Variants in CNTN5 observed in about 807,000 individuals in gnomAD.
The protein encoded by CNTN5 is contactin 5.
A neutral mutation model predicts 129.1 loss-of-function variants in CNTN5; 77 were observed. That is an observed-to-expected ratio of 0.60 (90% confidence interval 0.50 to 0.72). The LOEUF is 0.72. Ranked by LOEUF, CNTN5 falls within the 30% of genes least tolerant of loss-of-function variation. The pLI, the probability that CNTN5 is intolerant of heterozygous loss-of-function variation, is 0.00. For missense variants in CNTN5, 1,478 were observed against 1,328.8 expected (o/e 1.11, Z -1.75); for synonymous variants, 509 against 465.6 (o/e 1.09, Z -1.20).
intron 2 of CNTN5, among the ~76,000 whole-genome samples, chr11:99,360,174 T>G (rs972015393): frequency 6.6e-6 from 1 of 152,192 alleles, no homozygotes; most frequent in Non-Finnish European, 1.5e-5. Context: ...GGGGCAAGAG[T>G]TGGACCCCTG....
chr11:99,751,303 C>T (rs1944228012), intron 3 of CNTN5, among the ~76,000 whole-genome samples: 2 of 152,210 alleles, frequency 1.3e-5, no homozygotes, highest in African/African-American at 4.8e-5. Flanking sequence ...TGCCATTGCA[C>T]TCCAGCCTGG....
chr11:99,042,357 T>C (rs1864019644), intron 1 of CNTN5, among the ~76,000 whole-genome samples: 1 of 141,554 alleles, frequency 7.1e-6, no homozygotes, highest in Admixed American at 7.1e-5. Context: ...ACCTCCCTTC[T>C]TCTTCTTCTT....
chr11:100,341,030 G>T (rs1248549061), intron 22 of CNTN5, 63 bp from the exon 23 acceptor site: 1 of 1,202,402 alleles, frequency 8.3e-7, no homozygotes, highest in Non-Finnish European at 1.2e-6. Context: ...TACTCACAAA[G>T]AATTAAATGA....
At chr11:99,200,459 G>A (rs61893064) in intron 1 of CNTN5, among the ~76,000 whole-genome samples, 39,977 of 152,048 alleles carry the variant, frequency 0.26, 5,426 homozygotes, top group East Asian at 0.46. Flanking sequence ...TTCCCAACAC[G>A]TTTTGCTTCA....
At chr11:99,356,333 C>G (rs1004054672) in intron 2 of CNTN5, among the ~76,000 whole-genome samples, 1 of 152,124 alleles carries the variant, frequency 6.6e-6, no homozygotes. Flanking sequence ...TGAGCATTTA[C>G]TATGTGATTG....
At chr11:99,606,567 T>G (rs1051047978) in intron 3 of CNTN5, among the ~76,000 whole-genome samples, 3 of 141,380 alleles carry the variant, frequency 2.1e-5, no homozygotes, top group African/African-American at 7.9e-5. Flanking sequence ...AAGCTACCAA[T>G]GACTTTCTTC....
Position 100,308,780 on chromosome 11 carries a change from T to G in CNTN5, c.2730+312T>G, listed in dbSNP as rs184627938. On this transcript the variant is annotated intron_variant, in intron 21 of 24. Transcript: ENST00000524871. ...CAATTTACTGGTCATTTTAAAAGTT[T>G]TTGTGTCTTCCTTTCTAATAATTTA... 313 of 1,005,202 alleles carry G rather than the reference T, an allele frequency of 3.1e-4. 5 individuals are homozygous for G. In the Admixed American group the frequency reaches 0.016, roughly 52 times the overall value. 62.3% of individuals were successfully genotyped at this position (1,005,202 alleles called of 1,614,324 possible).
chr11:99,048,526 T>C (rs750884356), intron 1 of CNTN5, among the ~76,000 whole-genome samples: 5 of 152,220 alleles, frequency 3.3e-5, no homozygotes, highest in African/African-American at 4.8e-5. Context: ...TCACATTAAT[T>C]AGTTATAAAA....
intron 4 of CNTN5, among the ~76,000 whole-genome samples, chr11:99,831,957 G>A (rs1488570473): frequency 2.0e-5 from 3 of 152,010 alleles, no homozygotes; most frequent in Non-Finnish European, 2.9e-5. Flanking sequence ...CTCTCATTTG[G>A]TTGTTGTCAA....
Position 99,654,620 on chromosome 11 carries a change from AGTT to A in CNTN5, c.55+98358_55+98360del, listed in dbSNP as rs571162142. On this transcript the variant is annotated intron_variant, in intron 3 of 24. Coordinates refer to ENST00000524871, the MANE Select transcript of CNTN5 (RefSeq NM_014361.4). ...TTGGGTGAGAAAGAATGAAGACCTG[AGTT>A]GTTGTTAAATTAAATTGCTTATTAT... Among the ~76,000 whole-genome samples, 473 of 152,226 alleles carry A rather than the reference AGTT, an allele frequency of 3.1e-3. 6 individuals carry two copies. Among genetic ancestry groups the A allele is most frequent in the Non-Finnish European group, 5.2e-3 (351 of 68,000 alleles).
At chr11:99,121,816 T>A (rs1370222229) in intron 1 of CNTN5, among the ~76,000 whole-genome samples, 1 of 152,186 alleles carries the variant, frequency 6.6e-6, no homozygotes, top group Non-Finnish European at 1.5e-5. Flanking sequence ...TATTTACTTA[T>A]GGACATATTA....
chr11:99,344,407 T>C (rs1199294487), intron 2 of CNTN5, among the ~76,000 whole-genome samples: 5 of 152,182 alleles, frequency 3.3e-5, no homozygotes, highest in Admixed American at 3.3e-4. Flanking sequence ...AAACTCTTGT[T>C]ACTAATCACA....
At chr11:100,036,283 T>G (rs1321171497) in intron 9 of CNTN5, among the ~76,000 whole-genome samples, 1 of 152,024 alleles carries the variant, frequency 6.6e-6, no homozygotes, top group South Asian at 2.1e-4. Flanking sequence ...GCTGTAGATA[T>G]GCGGCATTAT....
At chr11:99,620,926 T>TTTCTC (rs141462486) in intron 3 of CNTN5, among the ~76,000 whole-genome samples, 67,145 of 149,610 alleles carry the variant, frequency 0.45, 15,875 homozygotes, top group Admixed American at 0.59. Flanking sequence ...TACTTAGAAT[T>TTTCTC]TTTTTTCTTT....
rs546426266 is a variant in CNTN5, at chr11:99,784,462, T to G, written c.56-35082T>G. Among the ~76,000 whole-genome samples the G allele has an allele frequency of 2.0e-5, 3 of 151,690 alleles. No individual in the cohort carries two copies. In the East Asian group the frequency reaches 5.9e-4, roughly 30 times the overall value. On this transcript the variant is annotated intron_variant, in intron 3 of 24. Coordinates refer to ENST00000524871, the MANE Select transcript of CNTN5 (RefSeq NM_014361.4). ...TGGTTTCCATCTTCATCCATGTCCC[T>G]GCAAAGGACATGAACCCATCCTTGG...
chr11:100,215,595 A>G (rs1591400811), intron 15 of CNTN5, among the ~76,000 whole-genome samples: 1 of 152,176 alleles, frequency 6.6e-6, no homozygotes, highest in South Asian at 2.1e-4. Context: ...TTGGCTCTAG[A>G]GATAAATTTT....
chr11:99,493,929 A>G (rs1238198797), intron 2 of CNTN5, among the ~76,000 whole-genome samples: 1 of 152,204 alleles, frequency 6.6e-6, no homozygotes, highest in East Asian at 1.9e-4. Flanking sequence ...GTAGAATTGG[A>G]ATTAAAATTA....
intron 3 of CNTN5, among the ~76,000 whole-genome samples, chr11:99,622,488 G>T (rs1950983635): frequency 6.6e-6 from 1 of 152,114 alleles, no homozygotes; most frequent in South Asian, 2.1e-4. Flanking sequence ...AGAAAATTCT[G>T]ATTATCTGGG....
At chr11:100,153,737 G>A (rs1199418841) in intron 13 of CNTN5, among the ~76,000 whole-genome samples, 1 of 151,844 alleles carries the variant, frequency 6.6e-6, no homozygotes, top group Non-Finnish European at 1.5e-5. Context: ...TATAATTTCT[G>A]GCATCATAAT....
Sources: allele counts gnomAD v4.1 joint callset (sites outside exome capture counted in the v4.1 genomes callset), GRCh38; gene constraint gnomAD v4.1.1; transcripts MANE v1.5; gene names NCBI Gene and HGNC (gene_info 2026-07-23, HGNC 2026-07-21).